CRYBA4: variants seen among roughly 807,000 people sequenced by gnomAD.
The protein encoded by CRYBA4 is beta-crystallin A4.
In CRYBA4, 30 loss-of-function variants were observed where a neutral mutation model predicts 31.7. That is an observed-to-expected ratio of 0.95 (90% CI 0.71 to 1.28). The LOEUF is 1.28. Among genes scored for constraint, CRYBA4 ranks in the 50% most tolerant of loss-of-function variants. The pLI is 0.00. For synonymous variants in CRYBA4, 102 were observed against 102.3 expected (o/e 1.00, Z 0.02); for missense variants, 225 against 260.7 (o/e 0.86, Z 0.94).
At chr22:26,608,332 T>G in the CRYBA4 span, among the ~76,000 whole-genome samples, 44 of 152,356 alleles carry the variant, frequency 2.9e-4, no homozygotes, top group Admixed American at 1.8e-3. Context: ...TCTCTAGATG[T>G]AAGGTTCATA....
intron 5 of CRYBA4, 59 bp from the exon 6 acceptor site, chr22:26,630,281 G>A: frequency 1.2e-6 from 2 of 1,609,336 alleles, no homozygotes; most frequent in Non-Finnish European, 8.5e-7. Flanking sequence ...CTTTGCCCCT[G>A]TGTTGATCAC....
chr22:26,611,553 C>A, the CRYBA4 span, among the ~76,000 whole-genome samples: 7 of 151,336 alleles, frequency 4.6e-5, no homozygotes, highest in Non-Finnish European at 1.0e-4. Flanking sequence ...CGGCTCACTG[C>A]AAGCTCCGCT....
At chr22:26,599,293 G>C in the CRYBA4 span, 5 of 597,608 alleles carry the variant, frequency 8.4e-6, no homozygotes, top group African/African-American at 7.4e-5. Flanking sequence ...TTCAGTGTTT[G>C]CTGCTTTTAT....
At chr22:26,623,128 G>C in intron 2 of CRYBA4, 106 bp from the exon 3 acceptor site, 1 of 933,178 alleles carries the variant, frequency 1.1e-6, no homozygotes, top group Non-Finnish European at 1.7e-6. Flanking sequence ...AGGAATCTGA[G>C]TTTGCAATCC....
At chr22:26,599,308 G>A in the CRYBA4 span, 7 of 609,014 alleles carry the variant, frequency 1.1e-5, no homozygotes, top group African/African-American at 1.8e-5. Flanking sequence ...TTTTATTATC[G>A]TTGTAATTAT....
At chr22:26,623,395 G>T (rs1409466547) in intron 3 of CRYBA4, 43 bp downstream of exon 3, 1 of 1,495,160 alleles carries the variant, frequency 6.7e-7, no homozygotes, top group African/African-American at 1.4e-5. Context: ...GGGTGGACAG[G>T]AAGGGACCTA....
the CRYBA4 span, among the ~76,000 whole-genome samples, chr22:26,592,856 G>T: frequency 3.3e-5 from 5 of 152,174 alleles, no homozygotes; most frequent in Non-Finnish European, 7.3e-5. Flanking sequence ...GGGGTGTTTT[G>T]GTTCCGGAGA....
the CRYBA4 span, among the ~76,000 whole-genome samples, chr22:26,604,343 C>T: frequency 1.4e-4 from 21 of 152,244 alleles, no homozygotes; most frequent in African/African-American, 4.3e-4. Flanking sequence ...GGTAATATAC[C>T]CAGTACGTAG....
chr22:26,606,660 A>G, the CRYBA4 span, among the ~76,000 whole-genome samples: 1 of 152,246 alleles, frequency 6.6e-6, no homozygotes, highest in South Asian at 2.1e-4. Context: ...TTCTGCGAAA[A>G]GTGTTGGGAA....
the CRYBA4 span, chr22:26,599,404 A>G: frequency 7.0e-7 from 1 of 1,435,466 alleles, no homozygotes; most frequent in Non-Finnish European, 9.6e-7. Context: ...TTTTGGCTTT[A>G]GGGAATTTTA....
the CRYBA4 span, chr22:26,602,026 G>A: frequency 6.2e-7 from 1 of 1,613,586 alleles, no homozygotes. Flanking sequence ...GGCATCCTGG[G>A]GAAAGAGAGG....
the CRYBA4 span, chr22:26,599,770 C>A: frequency 1.1e-6 from 1 of 919,592 alleles, no homozygotes; most frequent in South Asian, 1.4e-5. Context: ...TTGATCCCTG[C>A]AGTCGGCTGC....
the CRYBA4 span, among the ~76,000 whole-genome samples, chr22:26,605,194 C>CTGCTTT: frequency 2.6e-3 from 395 of 152,350 alleles, no homozygotes; most frequent in Non-Finnish European, 4.4e-3. Flanking sequence ...GTTCCTGCTT[C>CTGCTTT]TGCTTTCCTA....
the CRYBA4 span, among the ~76,000 whole-genome samples, chr22:26,594,684 C>G: frequency 6.6e-6 from 1 of 152,052 alleles, no homozygotes; most frequent in African/African-American, 2.4e-5. Context: ...GAGTGAGACT[C>G]TAGCTAAAAC....
At chr22:26,594,436 C>T in the CRYBA4 span, among the ~76,000 whole-genome samples, 1 of 152,180 alleles carries the variant, frequency 6.6e-6, no homozygotes, top group Non-Finnish European at 1.5e-5. Context: ...TACGGGTTGC[C>T]TCTTGTCGAT....
chr22:26,596,200 A>G, the CRYBA4 span, among the ~76,000 whole-genome samples: 2 of 152,164 alleles, frequency 1.3e-5, no homozygotes, highest in Non-Finnish European at 2.9e-5. Flanking sequence ...GGTTCAAGCT[A>G]TTCTGCTGCC....
the CRYBA4 span, among the ~76,000 whole-genome samples, chr22:26,602,780 AC>A: frequency 5.9e-5 from 9 of 152,030 alleles, no homozygotes; most frequent in African/African-American, 2.2e-4. Context: ...AATGCTTCTT[AC>A]AAACCAGGTG....
chr22:26,630,604 A>G lies in CRYBA4; in HGVS notation c.*117A>G. 2.3e-6 allele frequency: 2 copies of G among 853,184 alleles called. No homozygotes were observed. The highest frequency in any genetic ancestry group is 2.0e-5 in the Admixed American group (1 of 49,496). 52.9% of individuals were successfully genotyped at this position (853,184 alleles called of 1,614,324 possible). ...TGTAACCTGTGTGAACCCAGCACCCATGTGAACTGGTCCGTGCACAGTCAG... is the reference window on the plus strand; with the variant it reads ...TGTAACCTGTGTGAACCCAGCACCCGTGTGAACTGGTCCGTGCACAGTCAG... On this transcript the variant is annotated 3_prime_UTR_variant, in exon 6 of 6. Coordinates refer to ENST00000354760, the MANE Select transcript of CRYBA4 (RefSeq NM_001886.3).
the CRYBA4 span, among the ~76,000 whole-genome samples, chr22:26,615,002 TA>T: frequency 6.6e-6 from 1 of 152,122 alleles, no homozygotes; most frequent in Non-Finnish European, 1.5e-5. Context: ...GGAGACACCT[TA>T]GAGTTAGGTA....
Sources: gnomAD v4.1 joint callset for allele counts (sites outside exome capture counted in the v4.1 genomes callset) on GRCh38, gnomAD v4.1.1 for gene constraint, MANE v1.5 for transcripts, NCBI Gene and HGNC (gene_info 2026-07-23, HGNC 2026-07-21) for gene names.